CYTH3: variants seen among roughly 807,000 people sequenced by gnomAD.
The protein encoded by CYTH3 is cytohesin 3.
A neutral mutation model predicts 55.1 loss-of-function variants in CYTH3; 23 were observed. The ratio of observed to expected loss-of-function variants is 0.42; its 90% CI spans 0.30 to 0.59. The LOEUF (loss-of-function observed/expected upper bound fraction) is 0.59. Among genes scored for constraint, CYTH3 ranks in the 20% least tolerant of loss-of-function variants. The pLI, the probability that CYTH3 is intolerant of heterozygous loss-of-function variation, is 0.20. For synonymous variants in CYTH3, 249 were observed against 194.9 expected, an observed-to-expected ratio of 1.28 and a Z score of -2.31; for missense variants, 413 against 524.8, an observed-to-expected ratio of 0.79 and a Z score of 2.08.
chr7:6,186,999 A>G, intron 4 of CYTH3, 51 bp downstream of exon 4: 1 of 1,576,868 alleles, frequency 6.3e-7, no homozygotes. Flanking sequence ...CGGCAGTTCA[A>G]ATCAATTAGT....
In CYTH3 at chr7:6,272,483, C is replaced by T. The variant is rs1158582089; in HGVS notation, c.25G>A (p.Gly9Ser). Residue 9 changes from glycine to serine, a missense_variant, in exon 1 of 13, where the codon GGT (glycine) becomes AGT (serine). Around this residue, in one of 4 missense-constraint regions of CYTH3, gnomAD observed 152 missense variants for 148.1 expected, o/e 1.03. Coordinates refer to ENST00000350796, the MANE Select transcript of CYTH3 (RefSeq NM_004227.4). ...CACCTCCGACACTCACCGCCACCAC[C>T]CTCGCCGCCGCCGTCTTCATCCATC... The part of the protein sequence containing the change: MDEDGGGE[G>S]GGVPEDLSLE... The T allele has an allele frequency of 6.6e-6, 9 of 1,371,344 alleles. No homozygotes were observed. The allele number at this position is 1,371,344 out of a possible 1,614,324, so 84.9% of individuals were successfully genotyped here. A position where few individuals can be genotyped will look rare whatever the true frequency, so the allele number is the denominator to read the frequency against.
At chr7:6,257,135 G>T (rs1780150045) in intron 1 of CYTH3, among the ~76,000 whole-genome samples, 1 of 152,094 alleles carries the variant, frequency 6.6e-6, no homozygotes, top group East Asian at 1.9e-4. Context: ...GCAATGAAAG[G>T]CATCATTTAT....
Position 6,194,478 on chromosome 7 carries a change from A to C in CYTH3, c.35-3947T>G, listed in dbSNP as rs1348379688. Among the ~76,000 whole-genome samples the C allele has an allele frequency of 3.3e-5, 5 of 152,266 alleles. No individual in the cohort carries two copies. In the South Asian group the frequency reaches 1.0e-3, roughly 32 times the overall value. On this transcript the variant is annotated intron_variant, in intron 1 of 12. Transcript: ENST00000350796. The stretch of plus-strand genomic sequence containing the variant: ...ATAAACAAAAACAAAAAACAAAAAA[A>C]CCTTGAAAACAACACATGCATTTCA...
chr7:6,220,594 A>C (rs1010090551), intron 1 of CYTH3, among the ~76,000 whole-genome samples: 11 of 151,896 alleles, frequency 7.2e-5, no homozygotes, highest in African/African-American at 1.9e-4. Context: ...AAAAAAAAAA[A>C]ACCAAAGGCT....
At chr7:6,248,224 T>A (rs58634326) in intron 1 of CYTH3, among the ~76,000 whole-genome samples, 139 of 124,814 alleles carry the variant, frequency 1.1e-3, no homozygotes, top group African/African-American at 4.1e-3. Flanking sequence ...TTTAGACCCA[T>A]CCTCCCCCAA....
intron 1 of CYTH3, among the ~76,000 whole-genome samples, chr7:6,226,908 G>C (rs1027053489): frequency 6.6e-6 from 1 of 151,940 alleles, no homozygotes; most frequent in Non-Finnish European, 1.5e-5. Context: ...GTGAAACCCC[G>C]TCTCTACTAA....
intron 1 of CYTH3, among the ~76,000 whole-genome samples, chr7:6,191,309 A>C (rs6953328): frequency 0.038 from 5,853 of 152,108 alleles, 195 homozygotes; most frequent in African/African-American, 0.09. Context: ...ATAAATAAAT[A>C]AATCAACATA....
At chr7:6,257,690 T>C (rs1382872362) in intron 1 of CYTH3, among the ~76,000 whole-genome samples, 4 of 152,254 alleles carry the variant, frequency 2.6e-5, no homozygotes, top group African/African-American at 9.6e-5. Flanking sequence ...CTTCGCACTC[T>C]ATGGCGAGGA....
intron 1 of CYTH3, among the ~76,000 whole-genome samples, chr7:6,256,379 G>A (rs6463539): frequency 0.044 from 6,688 of 152,258 alleles, 498 homozygotes; most frequent in African/African-American, 0.15. Context: ...CTAGGATAGT[G>A]GACTTCTCTC....
intron 1 of CYTH3, among the ~76,000 whole-genome samples, chr7:6,221,190 A>G (rs1465036240): frequency 6.6e-6 from 1 of 152,206 alleles, no homozygotes; most frequent in Admixed American, 6.5e-5. Context: ...ATAAACTGTG[A>G]TATATATCCA....
chr7:6,267,515 T>C (rs1407328695), intron 1 of CYTH3, among the ~76,000 whole-genome samples: 1 of 152,228 alleles, frequency 6.6e-6, no homozygotes, highest in Non-Finnish European at 1.5e-5. Flanking sequence ...TATCTTTTTG[T>C]TGCGGTCTTC....
At chr7:6,207,163 T>C (rs1183981066) in intron 1 of CYTH3, among the ~76,000 whole-genome samples, 2 of 148,482 alleles carry the variant, frequency 1.3e-5, no homozygotes, top group African/African-American at 5.0e-5. Flanking sequence ...GGCGCGATCT[T>C]GGCTCACTGC....
At chr7:6,240,043 C>T (rs564446596) in intron 1 of CYTH3, among the ~76,000 whole-genome samples, 5 of 152,252 alleles carry the variant, frequency 3.3e-5, no homozygotes, top group Middle Eastern at 6.8e-3. Flanking sequence ...CAGTGGCTCA[C>T]GCCTATAATC....
chr7:6,201,409 C>A (rs112913545), intron 1 of CYTH3, among the ~76,000 whole-genome samples: 2 of 152,222 alleles, frequency 1.3e-5, no homozygotes, highest in African/African-American at 4.8e-5. Context: ...TCCTCAATCT[C>A]CATGTGGTGA....
chr7:6,180,687 A>T (rs1194676357), intron 4 of CYTH3, among the ~76,000 whole-genome samples: 1 of 152,226 alleles, frequency 6.6e-6, no homozygotes, highest in African/African-American at 2.4e-5. Context: ...AAATACTCAT[A>T]AAAGAAAGTG....
rs147543860 is a variant in CYTH3 at position 6,252,044 on chromosome 7, C to A, written c.34+20430G>T. Among the ~76,000 whole-genome samples the A allele has an allele frequency of 7.1e-3, 1,081 of 152,252 alleles. 18 individuals are homozygous for A. Among genetic ancestry groups the A allele is most frequent in the African/African-American group, 0.024 (996 of 41,540 alleles). ...TCAGCTACAGGATGGTGATATGGACCTGGTCCTGTTAAGACAGAGCAGAAG... is the reference window on the plus strand; with the variant it reads ...TCAGCTACAGGATGGTGATATGGACATGGTCCTGTTAAGACAGAGCAGAAG... On this transcript the variant is annotated intron_variant, in intron 1 of 12. Transcript: ENST00000350796.
chr7:6,247,696 T>A (rs1300242407), intron 1 of CYTH3, among the ~76,000 whole-genome samples: 1 of 152,074 alleles, frequency 6.6e-6, no homozygotes, highest in East Asian at 1.9e-4. Flanking sequence ...CAGGCTGGAG[T>A]GCAGTGCTAC....
chr7:6,195,802 A>C (rs574438840), intron 1 of CYTH3, among the ~76,000 whole-genome samples: 1 of 152,328 alleles, frequency 6.6e-6, no homozygotes, highest in Admixed American at 6.5e-5. Flanking sequence ...GGAAAGTCTA[A>C]TGATTCTTTC....
At chr7:6,192,879 G>C (rs933943245) in intron 1 of CYTH3, among the ~76,000 whole-genome samples, 4 of 151,872 alleles carry the variant, frequency 2.6e-5, no homozygotes, top group African/African-American at 9.7e-5. Flanking sequence ...CTTAGAAAAT[G>C]GGCAAATGGG....
Sources: gnomAD v4.1 joint callset for allele counts (sites outside exome capture counted in the v4.1 genomes callset) on GRCh38, gnomAD v4.1.1 for gene constraint, gnomAD v4.1.1 regional missense constraint, MANE v1.5 for transcripts, NCBI Gene and HGNC (gene_info 2026-07-23, HGNC 2026-07-21) for gene names.